FGL1: variants seen among roughly 807,000 people sequenced by gnomAD.
FGL1 encodes fibrinogen like 1.
In FGL1, 59 loss-of-function variants were observed where a neutral mutation model predicts 43.7. The observed-to-expected ratio is 1.35, with a 90% CI of 1.10 to 1.68. FGL1 has a LOEUF of 1.68. Ranked by LOEUF, FGL1 falls within the 40% of genes most tolerant of loss-of-function variation. The pLI is 0.00. For missense variants in FGL1, 596 were observed against 373.0 expected (o/e 1.60, Z -4.92); for synonymous variants, 192 against 126.5 (o/e 1.52, Z -3.48).
chr8:17,874,291 G>T, intron 4 of FGL1, 71 bp downstream of exon 4: 2 of 1,517,528 alleles, frequency 1.3e-6, no homozygotes, highest in Non-Finnish European at 1.8e-6. Context: ...TTCAGGATAT[G>T]ATCAAAATAT....
In FGL1 at chr8:17,874,531, A is replaced by C. The variant is rs1341978623; in HGVS notation, c.245-10T>G. 6.2e-7 allele frequency: 1 copy of C among 1,601,480 alleles called. No individual in the cohort carries two copies. The highest frequency in any genetic ancestry group is 8.5e-7 in the Non-Finnish European group (1 of 1,172,580). On this transcript the variant is annotated splice_polypyrimidine_tract_variant and intron_variant, in intron 3 of 7. Coordinates refer to ENST00000427924, the MANE Select transcript of FGL1 (RefSeq NM_004467.4). ...AAAATCTCTGAACAATCTGTTTTTA[A>C]AACAAGGTAATGTAACATTCATTAT...
At chr8:17,890,765 G>A (rs755268480) in intron 1 of FGL1, among the ~76,000 whole-genome samples, 1 of 152,122 alleles carries the variant, frequency 6.6e-6, no homozygotes, top group East Asian at 1.9e-4. Flanking sequence ...AAGCAAACAT[G>A]TCCTTCTTCA....
intron 1 of FGL1, among the ~76,000 whole-genome samples, chr8:17,893,387 C>T (rs532617469): frequency 3.3e-4 from 49 of 150,590 alleles, no homozygotes; most frequent in Non-Finnish European, 5.6e-4. Context: ...TATGTATGAA[C>T]ATAACATTAT....
intron 5 of FGL1, among the ~76,000 whole-genome samples, chr8:17,871,521 A>G (rs576683749): frequency 2.0e-5 from 3 of 151,630 alleles, no homozygotes; most frequent in South Asian, 2.1e-4. Context: ...AAAAACTTCT[A>G]TTATAACAGA....
intron 2 of FGL1, among the ~76,000 whole-genome samples, chr8:17,882,855 TC>T (rs1341944771): frequency 4.0e-5 from 4 of 99,524 alleles, no homozygotes; most frequent in Non-Finnish European, 6.7e-5. Flanking sequence ...ATAATATATA[TC>T]ATATATAATA....
At chr8:17,881,297 C>G (rs1013192044) in intron 3 of FGL1, among the ~76,000 whole-genome samples, 1 of 151,678 alleles carries the variant, frequency 6.6e-6, no homozygotes, top group African/African-American at 2.4e-5. Context: ...CCACCACGCC[C>G]AGCTAATTTT....
chr8:17,885,345 G>A (rs2053612070), intron 2 of FGL1, 147 bp downstream of exon 2: 1 of 656,040 alleles, frequency 1.5e-6, no homozygotes. Context: ...TTTACTATGT[G>A]TCCAGTATTT....
intron 2 of FGL1, among the ~76,000 whole-genome samples, chr8:17,883,783 T>TCCTTCTCTCTCTC (rs1297347045): frequency 2.8e-5 from 4 of 144,592 alleles, no homozygotes; most frequent in African/African-American, 1.0e-4. Context: ...CTAGGATGGT[T>TCCTTCTCTCTCTC]TCTCCCTTTT....
rs760243854 is a variant in FGL1 at position 17,864,765 on chromosome 8, G to GA, written c.780-15dup. 768 of 1,397,302 alleles carry GA rather than the reference G, an allele frequency of 5.5e-4. No homozygotes were observed. Among genetic ancestry groups the GA allele is most frequent in the South Asian group, 2.4e-3 (134 of 55,476 alleles). 86.6% of individuals were successfully genotyped at this position (1,397,302 alleles called of 1,614,324 possible). A position where few individuals can be genotyped will look rare whatever the true frequency, so the allele number is the denominator to read the frequency against. On this transcript the variant is annotated splice_polypyrimidine_tract_variant and intron_variant, in intron 7 of 7. Transcript: ENST00000427924. The stretch of plus-strand genomic sequence containing the variant: ...GCAGAGTGACACCTAGTGGAAGGGA[G>GA]AAAAAAAAAGAAAACAACAATCAGA...
At chr8:17,880,375 T>C (rs2053517189) in intron 3 of FGL1, among the ~76,000 whole-genome samples, 1 of 152,196 alleles carries the variant, frequency 6.6e-6, no homozygotes, top group Non-Finnish European at 1.5e-5. Flanking sequence ...AAGCATAGAC[T>C]CTCACAACTC....
intron 3 of FGL1, among the ~76,000 whole-genome samples, chr8:17,881,617 A>ATTG (rs1440426923): frequency 7.3e-5 from 11 of 151,376 alleles, no homozygotes; most frequent in Non-Finnish European, 8.8e-5. Context: ...GCGAATCACA[A>ATTG]GGTCAGGTGA....
chr8:17,886,051 G>C (rs2053623472), intron 1 of FGL1, among the ~76,000 whole-genome samples: 1 of 152,172 alleles, frequency 6.6e-6, no homozygotes. Context: ...ACTGCCTAGA[G>C]TAAGATTTTT....
At chr8:17,871,950 T>G (rs2131702308) in intron 5 of FGL1, among the ~76,000 whole-genome samples, 1 of 152,272 alleles carries the variant, frequency 6.6e-6, no homozygotes, top group African/African-American at 2.4e-5. Context: ...GAGCCAAGGG[T>G]TACTGCTCTG....
chr8:17,875,533 T>TTCTTTCTCTCTCTCTCTCTCTCTC (rs1208572003), intron 3 of FGL1, among the ~76,000 whole-genome samples: 3 of 11,842 alleles, frequency 2.5e-4, no homozygotes, highest in African/African-American at 7.0e-4. Flanking sequence ...CTTTCTTTCT[T>TTCTTTCTCTCTCTCTCTCTCTCTC]TCTCTTTCTT....
intron 1 of FGL1, among the ~76,000 whole-genome samples, chr8:17,893,724 T>A (rs546994470): frequency 6.8e-6 from 1 of 147,220 alleles, no homozygotes; most frequent in South Asian, 2.1e-4. Context: ...TCCATTTTCC[T>A]CCTTTGCAAT....
chr8:17,888,503 T>C (rs1295990956), intron 1 of FGL1, among the ~76,000 whole-genome samples: 1 of 152,182 alleles, frequency 6.6e-6, no homozygotes, highest in Non-Finnish European at 1.5e-5. Context: ...TGTCTACAAA[T>C]TAAGAAAATT....
intron 4 of FGL1, 113 bp from the exon 5 acceptor site, chr8:17,874,229 C>T (rs2053408907): frequency 1.2e-5 from 16 of 1,365,554 alleles, no homozygotes; most frequent in Non-Finnish European, 1.5e-5. Flanking sequence ...TTAGTTAATT[C>T]ATTTTCAGTA....
intron 1 of FGL1, chr8:17,885,790 G>T: frequency 2.0e-6 from 1 of 494,846 alleles, no homozygotes; most frequent in Non-Finnish European, 3.6e-6. Context: ...AAAAACAGAG[G>T]AAGGACTCTG....
chr8:17,873,886 C>T, intron 5 of FGL1, 133 bp downstream of exon 5: 5 of 529,346 alleles, frequency 9.4e-6, no homozygotes, highest in South Asian at 4.3e-5. Context: ...GATTATTGCC[C>T]AAAAGTTATC....
Sources: gnomAD v4.1 joint callset for allele counts (sites outside exome capture counted in the v4.1 genomes callset) on GRCh38, gnomAD v4.1.1 for gene constraint, MANE v1.5 for transcripts, NCBI Gene and HGNC (gene_info 2026-07-23, HGNC 2026-07-21) for gene names.